PAK2: variants seen among roughly 807,000 people sequenced by gnomAD.
The protein encoded by PAK2 is p21 (RAC1) activated kinase 2.
PAK2 carries 21 observed loss-of-function variants against 65.9 expected under a neutral mutation model. The ratio of observed to expected loss-of-function variants is 0.32; its 90% CI spans 0.23 to 0.46. PAK2 has a LOEUF of 0.46. Ranked by LOEUF, PAK2 falls within the 20% of genes least tolerant of loss-of-function variation. The pLI is 1.00. For synonymous variants in PAK2, 204 were observed against 219.7 expected (o/e 0.93, Z 0.63); for missense variants, 324 against 642.6 (o/e 0.50, Z 5.36).
At chr3:196,811,098 TA>T (rs1715770246) in intron 8 of PAK2, among the ~76,000 whole-genome samples, 2 of 151,894 alleles carry the variant, frequency 1.3e-5, no homozygotes, top group Non-Finnish European at 2.9e-5. Flanking sequence ...TGGAAGCAAA[TA>T]AACACCTAAA....
At chr3:196,818,600 C>T (rs1260311542) in intron 12 of PAK2, among the ~76,000 whole-genome samples, 1 of 152,120 alleles carries the variant, frequency 6.6e-6, no homozygotes, top group Non-Finnish European at 1.5e-5. Context: ...CTACTGAACT[C>T]AGGTATCTTC....
In PAK2 at chr3:196,782,687, C is replaced by T; in HGVS notation, c.41C>T (p.Pro14Leu). The T allele has an allele frequency of 6.2e-7, 1 of 1,611,136 alleles. No homozygotes were observed. Reference sequence around the variant, plus strand: ...GAACTGGAAGATAAGCCTCCAGCACCTCCTGTGCGAATGAGCAGCACCATC... The same window carrying T: ...GAACTGGAAGATAAGCCTCCAGCACTTCCTGTGCGAATGAGCAGCACCATC... ...NGELEDKPPAPPVRMSSTIFS... is the reference protein window; with the variant it reads ...NGELEDKPPALPVRMSSTIFS... The change falls in exon 2 of 15, where the codon CCT (proline) becomes CTT (leucine). Residue 14 changes from proline (P) to leucine (L), a missense_variant. Around this residue, in one of 5 missense-constraint regions of PAK2, gnomAD observed 42 missense variants for 67.4 expected, o/e 0.62. Coordinates refer to ENST00000327134, the MANE Select transcript of PAK2 (RefSeq NM_002577.4).
At chr3:196,775,509 A>G (rs1714508329) in intron 1 of PAK2, among the ~76,000 whole-genome samples, 1 of 152,042 alleles carries the variant, frequency 6.6e-6, no homozygotes, top group Non-Finnish European at 1.5e-5. Context: ...CAGCCTCCCG[A>G]GTAGCTGGGA....
intron 13 of PAK2, among the ~76,000 whole-genome samples, chr3:196,824,848 A>C (rs1308137779): frequency 6.6e-6 from 1 of 151,990 alleles, no homozygotes; most frequent in Non-Finnish European, 1.5e-5. Context: ...TGTGTAATGT[A>C]ATACAGAGTG....
At chr3:196,793,575 G>C (rs1372903284) in intron 2 of PAK2, among the ~76,000 whole-genome samples, 1 of 151,998 alleles carries the variant, frequency 6.6e-6, no homozygotes, top group East Asian at 1.9e-4. Flanking sequence ...GAGAGGGAGA[G>C]TCCAAAACAA....
chr3:196,788,188 C>G (rs977835546), intron 2 of PAK2, among the ~76,000 whole-genome samples: 6 of 152,218 alleles, frequency 3.9e-5, no homozygotes, highest in Non-Finnish European at 8.8e-5. Flanking sequence ...GAGAGAACTT[C>G]AGTATGTGCT....
At chr3:196,806,541 T>A (rs777365471) in intron 5 of PAK2, 38 bp from the exon 6 acceptor site, 1 of 1,269,282 alleles carries the variant, frequency 7.9e-7, no homozygotes, top group Non-Finnish European at 1.2e-6. Flanking sequence ...TTAAGCCTAT[T>A]GGACTTGTTT....
At chr3:196,747,577 G>T (rs1009498377) in intron 1 of PAK2, among the ~76,000 whole-genome samples, 1 of 151,978 alleles carries the variant, frequency 6.6e-6, no homozygotes, top group South Asian at 2.1e-4. Flanking sequence ...CTTATTGAGT[G>T]TTTCTTGTGA....
chr3:196,785,685 G>A (rs1714862846), intron 2 of PAK2, among the ~76,000 whole-genome samples: 2 of 152,072 alleles, frequency 1.3e-5, no homozygotes, highest in Non-Finnish European at 2.9e-5. Context: ...CCTGAGACTG[G>A]GTAATTTATA....
chr3:196,811,293 C>CTCCCT (rs1715801576), intron 8 of PAK2, among the ~76,000 whole-genome samples: 3 of 1,980 alleles, frequency 1.5e-3, no homozygotes, highest in Non-Finnish European at 1.8e-3. Flanking sequence ...CCTCCCTTCC[C>CTCCCT]TCCCTCCCTT....
chr3:196,739,903 T>G lies in PAK2; in HGVS notation c.-276T>G, dbSNP rs1200592752. The G allele has an allele frequency of 6.6e-6, 1 of 152,088 alleles. No homozygotes were observed. The highest frequency in any genetic ancestry group is 1.5e-5 in the Non-Finnish European group (1 of 68,100). 9.4% of individuals were successfully genotyped at this position (152,088 alleles called of 1,614,324 possible). A position where few individuals can be genotyped will look rare whatever the true frequency, so the allele number is the denominator to read the frequency against. ...GGCCACGCGCAGCGGCGGCGGTTGTTCCGCTTCCCCTCCGGCCCGGGCCGT... is the reference window on the plus strand; with the variant it reads ...GGCCACGCGCAGCGGCGGCGGTTGTGCCGCTTCCCCTCCGGCCCGGGCCGT... On this transcript the variant is annotated 5_prime_UTR_variant, in exon 1 of 15. Coordinates refer to ENST00000327134, the MANE Select transcript of PAK2 (RefSeq NM_002577.4).
chr3:196,823,829 A>G (rs1490920864), intron 13 of PAK2, among the ~76,000 whole-genome samples: 1 of 151,516 alleles, frequency 6.6e-6, no homozygotes, highest in Non-Finnish European at 1.5e-5. Flanking sequence ...AAAAAAAAGA[A>G]AAAAACACCT....
At chr3:196,813,457 C>CAAA (rs566020366) in intron 10 of PAK2, among the ~76,000 whole-genome samples, 1 of 60,976 alleles carries the variant, frequency 1.6e-5, no homozygotes, top group Non-Finnish European at 3.4e-5. Flanking sequence ...GACTCCATCT[C>CAAA]AAAAAAAAAA....
chr3:196,772,277 C>G (rs767327736), intron 1 of PAK2, among the ~76,000 whole-genome samples: 8 of 152,152 alleles, frequency 5.3e-5, no homozygotes, highest in South Asian at 2.1e-4. Context: ...GTTTTACTAC[C>G]TGTCCCCTGT....
intron 1 of PAK2, among the ~76,000 whole-genome samples, chr3:196,780,334 G>A (rs551094097): frequency 7.3e-4 from 111 of 152,336 alleles, no homozygotes; most frequent in African/African-American, 2.6e-3. Flanking sequence ...GAAGAAAGAG[G>A]TTTAATTGGA....
At chr3:196,766,958 G>A (rs1714190158) in intron 1 of PAK2, among the ~76,000 whole-genome samples, 1 of 137,526 alleles carries the variant, frequency 7.3e-6, no homozygotes, top group Non-Finnish European at 1.5e-5. Context: ...GTGTGTGTGT[G>A]TGTGTGTGTG....
chr3:196,740,290 C>T (rs974302884), intron 1 of PAK2, 133 bp downstream of exon 1: 67 of 152,366 alleles, frequency 4.4e-4, no homozygotes, highest in African/African-American at 1.6e-3. Context: ...GAGCCGCCAC[C>T]TGCGTGCTGG....
At chr3:196,786,513 C>A (rs1310381566) in intron 2 of PAK2, among the ~76,000 whole-genome samples, 4 of 152,066 alleles carry the variant, frequency 2.6e-5, no homozygotes, top group Non-Finnish European at 4.4e-5. Context: ...AAATTTTTGT[C>A]TTACTTGAGG....
chr3:196,752,003 A>G (rs993337991), intron 1 of PAK2, among the ~76,000 whole-genome samples: 1 of 152,000 alleles, frequency 6.6e-6, no homozygotes, highest in Non-Finnish European at 1.5e-5. Flanking sequence ...TCGGCCTCCC[A>G]AAGTGCTGGG....
Sources: gnomAD v4.1 joint callset for allele counts (sites outside exome capture counted in the v4.1 genomes callset) on GRCh38, gnomAD v4.1.1 for gene constraint, gnomAD v4.1.1 regional missense constraint, MANE v1.5 for transcripts, NCBI Gene and HGNC (gene_info 2026-07-23, HGNC 2026-07-21) for gene names.